Variants in CYP11B2 observed in about 807,000 individuals in gnomAD.
The protein encoded by CYP11B2 is cytochrome P450 11B2, mitochondrial.
Under a neutral mutation model 49.3 loss-of-function variants are expected in CYP11B2, and 38 were observed. That is an observed-to-expected ratio of 0.77 (90% CI 0.59 to 1.01). CYP11B2 has a LOEUF of 1.01. Among genes scored for constraint, CYP11B2 ranks in the 50% least tolerant of loss-of-function variants. The pLI is 0.00. For synonymous variants in CYP11B2, 290 were observed against 269.3 expected (o/e 1.08, Z -0.75); for missense variants, 669 against 655.5 (o/e 1.02, Z -0.23).
Position 142,912,898 on chromosome 8 carries a change from G to T in CYP11B2, c.1122-13C>A. 9 of 1,610,684 alleles carry T rather than the reference G, an allele frequency of 5.6e-6. No individual in the cohort carries two copies. Among genetic ancestry groups the T allele is most frequent in the Non-Finnish European group, 7.6e-6 (9 of 1,178,114 alleles). ...CACAGGGTAGAGCCTGGAGGTGGGG[G>T]CATCCATAGAAAGGGTCCTCAGCTG... On this transcript the variant is annotated splice_polypyrimidine_tract_variant and intron_variant, in intron 6 of 8. Transcript: ENST00000323110.
intron 4 of CYP11B2, 128 bp from the exon 5 acceptor site, chr8:142,914,546 C>T: frequency 7.1e-7 from 1 of 1,398,704 alleles, no homozygotes; most frequent in South Asian, 1.2e-5. Flanking sequence ...CCGGATCAGC[C>T]CAGCCCAGCC....
At position 142,914,902 on chromosome 8, in the gene CYP11B2, T is replaced by A. The variant is rs781765416; in HGVS notation, c.602A>T (p.Asn201Ile). 1 of 1,613,758 alleles carries A rather than the reference T, an allele frequency of 6.2e-7. No individual in the cohort carries two copies. The highest frequency in any genetic ancestry group is 1.7e-5 in the Admixed American group (1 of 60,016). ...SIFHYTIEAS[N>I]LALFGERLGL... ...CAGCCGCTCTCCAAAAAGAGCTAAG[T>A]TGCTGGCTGCGGGGAGGATGCACTG... The change falls in exon 4 of 9, where the codon AAC becomes ATC. Residue 201 changes from asparagine to isoleucine, a missense_variant. Physicochemically the swap from Asn to Ile is moderately radical, Grantham distance 149. Transcript: ENST00000323110.
In CYP11B2 at chr8:142,915,174, C is replaced by A; in HGVS notation, c.467G>T (p.Arg156Met). The change falls in exon 3 of 9, where the codon AGG (arginine) becomes ATG (methionine). Residue 156 changes from arginine (R) to methionine (M), a missense_variant. Physicochemically the swap from Arg to Met is moderately conservative, Grantham distance 91 (BLOSUM62 -1). Transcript: ENST00000323110. Reference protein sequence around the residue: ...PDVLSPKAVQRFLPMVDAVAR... With the variant: ...PDVLSPKAVQMFLPMVDAVAR... ...CACTGCATCCACCATCGGGAGGAACCTCTGCACGGCCTTGGGCGACAGCAC... is the reference window on the plus strand; with the variant it reads ...CACTGCATCCACCATCGGGAGGAACATCTGCACGGCCTTGGGCGACAGCAC... 1.2e-6 allele frequency: 2 copies of A among 1,614,198 alleles called. No homozygotes were observed. The highest frequency in any genetic ancestry group is 2.2e-5 in the South Asian group (2 of 91,076).
Position 142,911,366 on chromosome 8 carries a change from C to T in CYP11B2, c.*614G>A, listed in dbSNP as rs372845957. The T allele has an allele frequency of 1.9e-5, 3 of 154,602 alleles. No individual in the cohort carries two copies. The highest frequency in any genetic ancestry group is 4.3e-5 in the Non-Finnish European group (3 of 69,640). 9.6% of individuals were successfully genotyped at this position (154,602 alleles called of 1,614,324 possible). A position where few individuals can be genotyped will look rare whatever the true frequency, so the allele number is the denominator to read the frequency against. Reference sequence around the variant, plus strand: ...GATCAGCTGGGGAACACACGCCCCTCGAGACTCAGTTGTATCACTTGAAAA... The same window carrying T: ...GATCAGCTGGGGAACACACGCCCCTTGAGACTCAGTTGTATCACTTGAAAA... On this transcript the variant is annotated 3_prime_UTR_variant, in exon 9 of 9. Coordinates refer to ENST00000323110, the MANE Select transcript of CYP11B2 (RefSeq NM_000498.3).
rs28526467 is a variant in CYP11B2, at chr8:142,915,548, G to A, written c.396-303C>T. On this transcript the variant is annotated intron_variant, in intron 2 of 8. Coordinates refer to ENST00000323110, the MANE Select transcript of CYP11B2 (RefSeq NM_000498.3). ...AAGTCTGGCACCACCTCACCCATGCGGGCCCTCCCTGTAGTAACAGGGTAG... is the reference window on the plus strand; with the variant it reads ...AAGTCTGGCACCACCTCACCCATGCAGGCCCTCCCTGTAGTAACAGGGTAG... Among the ~76,000 whole-genome samples the A allele has an allele frequency of 0.76, 88,113 of 116,400 alleles. 34,964 individuals carry two copies. Among genetic ancestry groups the A allele is most frequent in the Non-Finnish European group, 0.81 (36,497 of 45,328 alleles). The allele number at this position is 116,400 out of a possible 152,430, so 76.4% of individuals were successfully genotyped here.
rs1260050342 is a variant in CYP11B2, at chr8:142,914,779, C to G, written c.725G>C (p.Arg242Thr). ...GGGGCTGATCCAGCGAGACAGGCTC[C>G]TGGGCATGAACATGAGCTGGACGGT... Reference protein sequence around the residue: ...KSTVQLMFMPRSLSRWISPKV... With the variant: ...KSTVQLMFMPTSLSRWISPKV... The change falls in exon 4 of 9, where the codon AGG becomes ACG. Residue 242 changes from arginine to threonine, a missense_variant. By Grantham distance (71) the Arg-to-Thr change is moderately conservative (BLOSUM62 -1). Coordinates refer to ENST00000323110, the MANE Select transcript of CYP11B2 (RefSeq NM_000498.3). The G allele has an allele frequency of 1.2e-6, 2 of 1,613,708 alleles. No individual in the cohort carries two copies. Among genetic ancestry groups the G allele is most frequent in the Non-Finnish European group, 1.7e-6 (2 of 1,179,982 alleles).
chr8:142,913,710 T>C, intron 5 of CYP11B2, among the ~76,000 whole-genome samples: 1 of 152,234 alleles, frequency 6.6e-6, no homozygotes, highest in African/African-American at 2.4e-5. Flanking sequence ...CAGCCACCAT[T>C]AGGGCAGGGG....
At chr8:142,912,419 A>C (rs1817551623) in intron 8 of CYP11B2, 111 bp downstream of exon 8, 1 of 1,236,394 alleles carries the variant, frequency 8.1e-7, no homozygotes, top group South Asian at 1.3e-5. Context: ...CAACCAACCA[A>C]GGCCCCATCC....
Position 142,917,080 on chromosome 8 carries a change from T to G in CYP11B2, c.374A>C (p.His125Pro). 2.5e-6 allele frequency: 4 copies of G among 1,614,240 alleles called. No individual in the cohort carries two copies. The highest frequency in any genetic ancestry group is 3.4e-6 in the Non-Finnish European group (4 of 1,180,040). ...PWVAYRQHRG[H>P]KCGVFLLNGP... ...TTACAACAAGAACACGCCACATTTGTGCCCACGATGTTGTCTGTAGGCCAC... is the reference window on the plus strand; with the variant it reads ...TTACAACAAGAACACGCCACATTTGGGCCCACGATGTTGTCTGTAGGCCAC... The change falls in exon 2 of 9, where the codon CAC becomes CCC. Residue 125 changes from histidine (H) to proline (P), a missense_variant. By Grantham distance (77) the His-to-Pro change is moderately conservative. Coordinates refer to ENST00000323110, the MANE Select transcript of CYP11B2 (RefSeq NM_000498.3).
chr8:142,917,634 G>A lies in CYP11B2; in HGVS notation c.207C>T (p.His69=), dbSNP rs752325788. 4 of 1,614,244 alleles carry A rather than the reference G, an allele frequency of 2.5e-6. No homozygotes were observed. In the East Asian group the frequency reaches 8.9e-5, roughly 36 times the overall value. Residue 69 remains histidine (H), a synonymous_variant, in exon 1 of 9, where the codon CAC becomes CAT. Transcript: ENST00000323110. ...TGGGCCCCAGCTCCTGGAAGGTCTG[G>A]TGCATCTCCAGGTGCAGGTGCTCAT... ...QGYEHLHLEM[H]QTFQELGPIF... is the part of the protein sequence containing the mutation.
intron 2 of CYP11B2, 101 bp from the exon 3 acceptor site, chr8:142,915,346 G>T: frequency 9.2e-7 from 1 of 1,082,186 alleles, no homozygotes; most frequent in African/African-American, 1.6e-5. Context: ...GGCCTGCAGG[G>T]AGCTGACTGG....
intron 6 of CYP11B2, among the ~76,000 whole-genome samples, 186 bp downstream of exon 6, chr8:142,913,099 G>C (rs1169508949): frequency 6.6e-6 from 1 of 151,258 alleles, no homozygotes; most frequent in Non-Finnish European, 1.5e-5. Context: ...TAATCCCCAG[G>C]GTGTTGAAGA....
In CYP11B2 at chr8:142,917,002, C is replaced by A. The variant is rs188195644; in HGVS notation, c.395+57G>T. 4.2e-3 allele frequency: 6,771 copies of A among 1,603,204 alleles called. 21 individuals are homozygous for A. Among genetic ancestry groups the A allele is most frequent in the Admixed American group, 7.0e-3 (409 of 58,194 alleles). ...TGGGTCCTACCTCTCTCGCCTCCCC[C>A]CTACACCCAGGCTGCCCACCCTGCT... On this transcript the variant is annotated intron_variant, in intron 2 of 8. Coordinates refer to ENST00000323110, the MANE Select transcript of CYP11B2 (RefSeq NM_000498.3).
chr8:142,917,635 T>G lies in CYP11B2; in HGVS notation c.206A>C (p.His69Pro). 6 of 1,614,218 alleles carry G rather than the reference T, an allele frequency of 3.7e-6. No individual in the cohort carries two copies. Among genetic ancestry groups the G allele is most frequent in the Non-Finnish European group, 8.5e-7 (1 of 1,180,034 alleles). Residue 69 changes from histidine (H) to proline (P), a missense_variant, in exon 1 of 9, where the codon CAC becomes CCC. Coordinates refer to ENST00000323110, the MANE Select transcript of CYP11B2 (RefSeq NM_000498.3). ...GGGCCCCAGCTCCTGGAAGGTCTGG[T>G]GCATCTCCAGGTGCAGGTGCTCATA... is the stretch of plus-strand genomic sequence containing the variant. Reference protein sequence around the residue: ...QGYEHLHLEMHQTFQELGPIF... With the variant: ...QGYEHLHLEMPQTFQELGPIF...
chr8:142,912,849 C>T lies in CYP11B2; in HGVS notation c.1158G>A (p.Val386=), dbSNP rs759747744. 24 of 1,613,746 alleles carry T rather than the reference C, an allele frequency of 1.5e-5. No homozygotes were observed. Among genetic ancestry groups the T allele is most frequent in the Non-Finnish European group, 1.9e-5 (22 of 1,179,892 alleles). The change falls in exon 7 of 9, where the codon GTG becomes GTA. Residue 386 remains valine (V), a synonymous_variant. Coordinates refer to ENST00000323110, the MANE Select transcript of CYP11B2 (RefSeq NM_000498.3). The stretch of plus-strand genomic sequence containing the variant: ...AGTTCTGAAGCACCAAGTCTGAGCT[C>T]ACCACTCGCTCCAAAAACAGACCCA... The part of the protein sequence containing the change: ...YPVGLFLERV[V]SSDLVLQNYH...
rs748879556 is a variant in CYP11B2, at chr8:142,917,119, A to C, written c.335T>G (p.Ile112Ser). ...QVDSLHPCRM[I>S]LEPWVAYRQH... ...TCTGTAGGCCACCCAGGGCTCCAGG[A>C]TCATCCTGCAGGGATGCAGGCTGTC... Residue 112 changes from isoleucine to serine, a missense_variant, in exon 2 of 9, where the codon ATC becomes AGC. Physicochemically the swap from Ile to Ser is moderately radical, Grantham distance 142 (BLOSUM62 -2). Coordinates refer to ENST00000323110, the MANE Select transcript of CYP11B2 (RefSeq NM_000498.3). 1.4e-5 allele frequency: 23 copies of C among 1,614,170 alleles called. No individual in the cohort carries two copies. Among genetic ancestry groups the C allele is most frequent in the South Asian group, 6.6e-5 (6 of 91,080 alleles).
Position 142,912,737 on chromosome 8 carries a change from G to A in CYP11B2, c.1201-10C>T, listed in dbSNP as rs2130325096. 1.2e-6 allele frequency: 2 copies of A among 1,613,766 alleles called. No homozygotes were observed. Among genetic ancestry groups the A allele is most frequent in the East Asian group, 2.2e-5 (1 of 44,878 alleles). On this transcript the variant is annotated splice_polypyrimidine_tract_variant and intron_variant, in intron 7 of 8. Transcript: ENST00000323110. ...AAACCTGTACCAATGTCTGCGGACG[G>A]TGCAGAGCAGGGATCAGGGAATGAC...
In CYP11B2 at chr8:142,912,758, A is replaced by G. The variant is rs757133097; in HGVS notation, c.1201-31T>C. 4 of 1,613,338 alleles carry G rather than the reference A, an allele frequency of 2.5e-6. No homozygotes were observed. In the South Asian group the frequency reaches 4.4e-5, roughly 18 times the overall value. Reference sequence around the variant, plus strand: ...GACGGTGCAGAGCAGGGATCAGGGAATGACTGGGGAGGGAGGTTCTCAGCT... The same window carrying G: ...GACGGTGCAGAGCAGGGATCAGGGAGTGACTGGGGAGGGAGGTTCTCAGCT... On this transcript the variant is annotated intron_variant, in intron 7 of 8. Transcript: ENST00000323110.
At chr8:142,916,561 G>A (rs10107682) in intron 2 of CYP11B2, 23,754 of 262,382 alleles carry the variant, frequency 0.091, 4,301 homozygotes, top group Non-Finnish European at 0.11. Flanking sequence ...AGCCACCTGC[G>A]TCCCCACCTG....
Sources: gnomAD v4.1 joint callset for allele counts (sites outside exome capture counted in the v4.1 genomes callset) on GRCh38, gnomAD v4.1.1 for gene constraint, MANE v1.5 for transcripts, NCBI Gene and HGNC (gene_info 2026-07-23, HGNC 2026-07-21) for gene names.